The following HCN1 variants were observed in gnomAD, a reference collection of about 807,000 sequenced individuals.
The protein encoded by HCN1 is potassium/sodium hyperpolarization-activated cyclic nucleotide-gated channel 1.
Under a neutral mutation model 78.9 loss-of-function variants are expected in HCN1, and 13 were observed. That is an observed-to-expected ratio of 0.16 (90% CI 0.11 to 0.26). The LOEUF (loss-of-function observed/expected upper bound fraction) is 0.26. Ranked by LOEUF, HCN1 falls within the 10% of genes least tolerant of loss-of-function variation. The pLI is 1.00. For missense variants in HCN1, 810 were observed against 1,154.3 expected (o/e 0.70, Z 4.32); for synonymous variants, 552 against 455.5 (o/e 1.21, Z -2.70).
At chr5:45,560,623 C>T (rs889965281) in intron 2 of HCN1, among the ~76,000 whole-genome samples, 2 of 151,864 alleles carry the variant, frequency 1.3e-5, no homozygotes, top group Admixed American at 6.6e-5. Context: ...TAAAAATTAT[C>T]CTGTCCACAT....
intron 6 of HCN1, among the ~76,000 whole-genome samples, chr5:45,284,056 C>T (rs1201794697): frequency 3.3e-5 from 5 of 152,066 alleles, no homozygotes; most frequent in South Asian, 2.1e-4. Context: ...AAACCAAATA[C>T]GGCATGTTAT....
chr5:45,321,004 G>A (rs537161612), intron 5 of HCN1, among the ~76,000 whole-genome samples: 2 of 151,884 alleles, frequency 1.3e-5, no homozygotes, highest in Non-Finnish European at 2.9e-5. Context: ...AAGGGAGACC[G>A]GTATTTGTTC....
At chr5:45,556,865 G>T (rs1743481033) in intron 2 of HCN1, among the ~76,000 whole-genome samples, 1 of 151,868 alleles carries the variant, frequency 6.6e-6, no homozygotes, top group Non-Finnish European at 1.5e-5. Flanking sequence ...TTCCCTCCCT[G>T]AATTGCCAAC....
intron 1 of HCN1, among the ~76,000 whole-genome samples, chr5:45,655,629 T>G (rs1237368544): frequency 6.6e-6 from 1 of 152,162 alleles, no homozygotes; most frequent in Non-Finnish European, 1.5e-5. Context: ...GCTATGATGC[T>G]ATAGGTATAG....
intron 3 of HCN1, among the ~76,000 whole-genome samples, chr5:45,443,921 G>T (rs754263210): frequency 6.6e-6 from 1 of 151,996 alleles, no homozygotes; most frequent in Non-Finnish European, 1.5e-5. Flanking sequence ...AAGTTTTTCA[G>T]TCAAGGATTT....
intron 2 of HCN1, among the ~76,000 whole-genome samples, chr5:45,560,985 T>C (rs1455564710): frequency 6.6e-6 from 1 of 152,116 alleles, no homozygotes; most frequent in Non-Finnish European, 1.5e-5. Context: ...CTTTTCATAT[T>C]CAGGATGTGC....
intron 2 of HCN1, among the ~76,000 whole-genome samples, chr5:45,631,576 T>A (rs1172687673): frequency 6.6e-6 from 1 of 151,874 alleles, no homozygotes; most frequent in African/African-American, 2.4e-5. Context: ...GAAAAAAAAA[T>A]TGTCTTCAGG....
intron 2 of HCN1, among the ~76,000 whole-genome samples, chr5:45,549,298 G>A (rs1048451697): frequency 6.6e-6 from 1 of 151,966 alleles, no homozygotes. Context: ...CCAAAACAGA[G>A]ATATAGACCA....
chr5:45,458,019 A>T (rs1339097094), intron 3 of HCN1, among the ~76,000 whole-genome samples: 1 of 152,124 alleles, frequency 6.6e-6, no homozygotes, highest in Admixed American at 6.6e-5. Flanking sequence ...ATATTTAAAT[A>T]AAAACTTTAA....
rs192535137 is a variant in HCN1 at position 45,318,303 on chromosome 5, C to G, written c.1378-14464G>C. ...GCTGGAAACCATCTTTCTTAGAAAA[C>G]TATCGCAAGGACAAAAAAACAAACA... On this transcript the variant is annotated intron_variant, in intron 5 of 7. Transcript: ENST00000303230. Among the ~76,000 whole-genome samples, 440 of 152,126 alleles carry G rather than the reference C, an allele frequency of 2.9e-3. 1 individual carries two copies. The highest frequency in any genetic ancestry group is 0.01 in the African/African-American group (419 of 41,496).
intron 2 of HCN1, among the ~76,000 whole-genome samples, chr5:45,589,371 G>T (rs1038660236): frequency 3.3e-5 from 5 of 152,168 alleles, no homozygotes; most frequent in African/African-American, 9.7e-5. Flanking sequence ...GTCTTACATA[G>T]AGAAAAAGAT....
intron 2 of HCN1, among the ~76,000 whole-genome samples, chr5:45,601,381 G>A (rs1056490338): frequency 3.3e-5 from 5 of 152,102 alleles, no homozygotes; most frequent in African/African-American, 4.8e-5. Context: ...TGAAAGCTCC[G>A]GTTATACAAC....
intron 7 of HCN1, among the ~76,000 whole-genome samples, chr5:45,264,382 T>C (rs770018722): frequency 2.0e-5 from 3 of 152,232 alleles, no homozygotes; most frequent in African/African-American, 4.8e-5. Context: ...GACTTTTCTA[T>C]GGCATCATTG....
intron 2 of HCN1, among the ~76,000 whole-genome samples, chr5:45,546,718 A>G (rs372835697): frequency 1.3e-5 from 2 of 151,896 alleles, no homozygotes; most frequent in East Asian, 3.9e-4. Flanking sequence ...CCTATCCTAT[A>G]TGGCTTCAAT....
intron 2 of HCN1, among the ~76,000 whole-genome samples, chr5:45,488,486 A>T (rs1257381859): frequency 6.6e-6 from 1 of 152,138 alleles, no homozygotes; most frequent in East Asian, 1.9e-4. Context: ...TTCTGTTGTT[A>T]TATAAAAATA....
intron 3 of HCN1, among the ~76,000 whole-genome samples, chr5:45,449,838 T>C (rs1474306224): frequency 1.3e-5 from 2 of 151,926 alleles, no homozygotes; most frequent in Non-Finnish European, 2.9e-5. Flanking sequence ...CATAAGTTGG[T>C]TTTTTTTCTT....
chr5:45,373,901 A>T (rs1233226332), intron 4 of HCN1, among the ~76,000 whole-genome samples: 4 of 134,536 alleles, frequency 3.0e-5, no homozygotes, highest in Non-Finnish European at 4.7e-5. Flanking sequence ...GTCATCTATA[A>T]TATATTACAT....
At chr5:45,303,096 C>A (rs1379704114) in intron 6 of HCN1, among the ~76,000 whole-genome samples, 1 of 151,960 alleles carries the variant, frequency 6.6e-6, no homozygotes, top group Non-Finnish European at 1.5e-5. Flanking sequence ...CTTCCTTAGG[C>A]CTGAAGGTGA....
rs188816686 is a variant in HCN1, at chr5:45,549,846, C to A, written c.850-87839G>T. Among the ~76,000 whole-genome samples, 783 of 152,318 alleles carry A rather than the reference C, an allele frequency of 5.1e-3. 8 individuals carry two copies. Among genetic ancestry groups the A allele is most frequent in the African/African-American group, 0.017 (697 of 41,562 alleles). On this transcript the variant is annotated intron_variant, in intron 2 of 7. Coordinates refer to ENST00000303230, the MANE Select transcript of HCN1 (RefSeq NM_021072.4). ...TCAAAAAGTGGGCGAAGGATACGAA[C>A]AGACACTTCTCAAAAGAAGACATTT... is the stretch of plus-strand genomic sequence containing the variant.
Sources: allele counts gnomAD v4.1 joint callset (sites outside exome capture counted in the v4.1 genomes callset), GRCh38; gene constraint gnomAD v4.1.1; transcripts MANE v1.5; gene names NCBI Gene and HGNC (gene_info 2026-07-23, HGNC 2026-07-21).